SERGEF: variants seen among roughly 807,000 people sequenced by gnomAD.
SERGEF encodes secretion regulating guanine nucleotide exchange factor.
A neutral mutation model predicts 50.0 loss-of-function variants in SERGEF; 51 were observed. The ratio of observed to expected loss-of-function variants is 1.02; its 90% confidence interval spans 0.81 to 1.29. The LOEUF is 1.29. Ranked by LOEUF, SERGEF falls within the 50% of genes most tolerant of loss-of-function variation. The probability of loss-of-function intolerance (pLI) is 0.00; values close to 1 mark genes in which losing one functional copy is unlikely to be tolerated. For synonymous variants in SERGEF, 205 were observed against 212.4 expected, an observed-to-expected ratio of 0.97 and a Z score of 0.30; for missense variants, 521 against 557.0, an observed-to-expected ratio of 0.94 and a Z score of 0.65.
intron 9 of SERGEF, among the ~76,000 whole-genome samples, chr11:17,958,131 C>T (rs181431582): frequency 8.5e-5 from 13 of 152,070 alleles, no homozygotes; most frequent in Admixed American, 2.0e-4. Context: ...CCCAGCACTA[C>T]GAAAAGGCCC....
chr11:17,829,055 T>C (rs941270643), intron 10 of SERGEF, among the ~76,000 whole-genome samples: 3 of 152,196 alleles, frequency 2.0e-5, no homozygotes, highest in African/African-American at 7.2e-5. Flanking sequence ...TTCACAACCA[T>C]GAATCAATCA....
intron 9 of SERGEF, among the ~76,000 whole-genome samples, chr11:17,954,514 T>C (rs1852827289): frequency 1.3e-5 from 2 of 152,170 alleles, no homozygotes; most frequent in African/African-American, 4.8e-5. Flanking sequence ...AAACTAAAAA[T>C]AGCTTCTTTC....
rs1004186260 is a variant in SERGEF, at chr11:17,855,286, T to C, written c.1048+22922A>G. 5 of 152,146 alleles carry C rather than the reference T, an allele frequency of 3.3e-5. No homozygotes were observed. In the East Asian group the frequency reaches 9.6e-4, roughly 29 times the overall value. 9.4% of individuals were successfully genotyped at this position (152,146 alleles called of 1,614,324 possible). On this transcript the variant is annotated intron_variant, in intron 10 of 10. Transcript: ENST00000265965. The stretch of plus-strand genomic sequence containing the variant: ...GCCCTTGGAGGGCGAGTAAATTACT[T>C]AAGGTAATTTAAATTTCATTTTAAA...
intron 10 of SERGEF, among the ~76,000 whole-genome samples, chr11:17,808,661 C>T (rs1849809846): frequency 6.6e-6 from 1 of 152,164 alleles, no homozygotes; most frequent in Non-Finnish European, 1.5e-5. Flanking sequence ...GCTGTCAGAC[C>T]CCTGGTCACA....
chr11:17,791,063 T>C (rs1483803047), intron 10 of SERGEF, among the ~76,000 whole-genome samples: 1 of 152,232 alleles, frequency 6.6e-6, no homozygotes, highest in Admixed American at 6.5e-5. Flanking sequence ...CTGTGGTGTG[T>C]CTCTTCACTT....
chr11:17,848,678 A>G (rs1037511987), intron 10 of SERGEF, among the ~76,000 whole-genome samples: 2 of 152,202 alleles, frequency 1.3e-5, no homozygotes, highest in Non-Finnish European at 2.9e-5. Context: ...ATGTTAGTAA[A>G]ATTAGGTAGC....
At chr11:17,924,105 T>A (rs1236355904) in intron 9 of SERGEF, among the ~76,000 whole-genome samples, 1 of 152,150 alleles carries the variant, frequency 6.6e-6, no homozygotes, top group African/African-American at 2.4e-5. Flanking sequence ...AATCCCTGAC[T>A]GAGAGTCAAT....
intron 9 of SERGEF, among the ~76,000 whole-genome samples, chr11:17,908,977 G>C (rs1851901614): frequency 6.6e-6 from 1 of 152,150 alleles, no homozygotes. Flanking sequence ...AGAATAAAAA[G>C]GTATAGAAGC....
intron 8 of SERGEF, among the ~76,000 whole-genome samples, chr11:17,981,043 C>T (rs1853486526): frequency 6.6e-6 from 1 of 152,270 alleles, no homozygotes; most frequent in African/African-American, 2.4e-5. Flanking sequence ...TCCCAAAGCC[C>T]AACCACAATT....
Position 17,884,211 on chromosome 11 carries a change from C to T in SERGEF, c.1012-5967G>A, listed in dbSNP as rs1360322647. On this transcript the variant is annotated intron_variant, in intron 9 of 10. Transcript: ENST00000265965. This position sits in a 1 kb window ranked among gnomAD's most constrained non-coding sequence, Gnocchi z 4.6. ...GTGCTATGGCAACGAGGCGTACGTG[C>T]GGAAACACATGATGGCCAGGGTGGA... Among the ~76,000 whole-genome samples, 11 of 152,320 alleles carry T rather than the reference C, an allele frequency of 7.2e-5. No homozygotes were observed. In the South Asian group the frequency reaches 1.2e-3, roughly 17 times the overall value.
intron 10 of SERGEF, among the ~76,000 whole-genome samples, chr11:17,859,120 GCA>G (rs781433290): frequency 4.6e-5 from 7 of 152,014 alleles, no homozygotes; most frequent in African/African-American, 9.7e-5. Context: ...AAAACATAAA[GCA>G]CAGTCTCCAG....
chr11:18,002,156 TTTCCCC>T (rs1185663398), intron 4 of SERGEF: 6 of 373,130 alleles, frequency 1.6e-5, no homozygotes, highest in Non-Finnish European at 3.2e-5. Context: ...TTCTTTTGTT[TTTCCCC>T]AAAAAACTAA....
chr11:17,930,685 CAGG>C (rs1248945804), intron 9 of SERGEF, among the ~76,000 whole-genome samples: 3 of 152,322 alleles, frequency 2.0e-5, no homozygotes, highest in Admixed American at 6.5e-5. Flanking sequence ...CACAGCACAA[CAGG>C]AGGACTACAC....
chr11:17,959,967 A>G (rs541516451), intron 8 of SERGEF, among the ~76,000 whole-genome samples: 7 of 152,250 alleles, frequency 4.6e-5, no homozygotes, highest in African/African-American at 1.7e-4. Context: ...ATGGCCTTCC[A>G]TTCCCTCCCT....
chr11:17,968,048 C>A (rs1174862865), intron 8 of SERGEF, among the ~76,000 whole-genome samples: 1 of 152,240 alleles, frequency 6.6e-6, no homozygotes, highest in African/African-American at 2.4e-5. Flanking sequence ...AACTTTCTAT[C>A]CCTCCAAACA....
intron 9 of SERGEF, among the ~76,000 whole-genome samples, chr11:17,910,318 A>G (rs1851928128): frequency 6.6e-6 from 1 of 152,132 alleles, no homozygotes; most frequent in Admixed American, 6.5e-5. Context: ...GTGAACTCAT[A>G]GCTCACTGTA....
At chr11:17,982,481 CA>C (rs1853513946) in intron 8 of SERGEF, among the ~76,000 whole-genome samples, 1 of 152,158 alleles carries the variant, frequency 6.6e-6, no homozygotes, top group South Asian at 2.1e-4. Flanking sequence ...ATGGGGTTTT[CA>C]AAATTCTAAA....
At chr11:17,955,911 A>C (rs373205288) in intron 9 of SERGEF, among the ~76,000 whole-genome samples, 4 of 152,210 alleles carry the variant, frequency 2.6e-5, no homozygotes, top group East Asian at 1.9e-4. Context: ...GACCTTAGCT[A>C]TGAAACTGAC....
intron 10 of SERGEF, among the ~76,000 whole-genome samples, chr11:17,830,298 G>C (rs955910150): frequency 2.0e-5 from 3 of 152,206 alleles, no homozygotes; most frequent in Admixed American, 1.3e-4. Flanking sequence ...TGAAGAAAAA[G>C]TTAATGACCT....
Sources: allele counts gnomAD v4.1 joint callset (sites outside exome capture counted in the v4.1 genomes callset), GRCh38; gene constraint gnomAD v4.1.1; non-coding constraint Gnocchi (gnomAD v3.1); transcripts MANE v1.5; gene names NCBI Gene and HGNC (gene_info 2026-07-23, HGNC 2026-07-21).